RUNDC3B: variants seen among roughly 807,000 people sequenced by gnomAD.
RUNDC3B encodes RUN domain-containing protein 3B.
A neutral mutation model predicts 58.4 loss-of-function variants in RUNDC3B; 33 were observed. The observed-to-expected ratio is 0.56, with a 90% CI of 0.43 to 0.75. The LOEUF (loss-of-function observed/expected upper bound fraction) is 0.75. Ranked by LOEUF, RUNDC3B falls within the 30% of genes least tolerant of loss-of-function variation. RUNDC3B has a pLI of 0.00. For synonymous variants in RUNDC3B, 193 were observed against 195.2 expected (o/e 0.99, Z 0.10); for missense variants, 501 against 535.7 (o/e 0.94, Z 0.64).
Position 87,645,687 on chromosome 7 carries a change from A to T in RUNDC3B, c.123-5135A>T, listed in dbSNP as rs143007812. On this transcript the variant is annotated intron_variant, in intron 1 of 10. Coordinates refer to ENST00000394654, the MANE Select transcript of RUNDC3B (RefSeq NM_001134405.2). ...GCTCAGCATCTGTGTGATATTTCTT[A>T]GATATATTAAAATTCTTTCTACAGG... Among the ~76,000 whole-genome samples, 6 of 152,310 alleles carry T rather than the reference A, an allele frequency of 3.9e-5. 1 individual carries two copies. The South Asian group carries it at 1.2e-3, about 32-fold the overall frequency.
At chr7:87,827,790 T>A (rs1227167024) in intron 10 of RUNDC3B, among the ~76,000 whole-genome samples, 1 of 152,154 alleles carries the variant, frequency 6.6e-6, no homozygotes, top group African/African-American at 2.4e-5. Context: ...CTATGGAACT[T>A]TATAACCTGA....
intron 8 of RUNDC3B, among the ~76,000 whole-genome samples, chr7:87,780,428 C>T (rs9986978): frequency 0.05 from 7,529 of 152,042 alleles, 281 homozygotes; most frequent in East Asian, 0.11. Context: ...TGTTCATGTC[C>T]CTTGCCCACT....
chr7:87,818,354 C>G (rs1239679793), intron 10 of RUNDC3B, among the ~76,000 whole-genome samples: 4 of 151,774 alleles, frequency 2.6e-5, no homozygotes, highest in Non-Finnish European at 4.4e-5. Context: ...AAAAATTAAC[C>G]AAAAATCTAC....
At chr7:87,811,035 T>C (rs989869870) in intron 9 of RUNDC3B, among the ~76,000 whole-genome samples, 1 of 152,160 alleles carries the variant, frequency 6.6e-6, no homozygotes, top group Non-Finnish European at 1.5e-5. Flanking sequence ...ATTTACTTAT[T>C]TGTTTCCAGT....
At chr7:87,788,703 C>CTT (rs5885597) in intron 8 of RUNDC3B, among the ~76,000 whole-genome samples, 24 of 128,284 alleles carry the variant, frequency 1.9e-4, no homozygotes, top group Non-Finnish European at 2.9e-4. Flanking sequence ...CTTTTCAAAA[C>CTT]TTTTTTTTTT....
intron 1 of RUNDC3B, among the ~76,000 whole-genome samples, chr7:87,638,844 C>A (rs1822115351): frequency 6.6e-6 from 1 of 151,996 alleles, no homozygotes; most frequent in Admixed American, 6.6e-5. Context: ...TCTGTCGACT[C>A]CTCAGTTTAT....
At chr7:87,829,637 A>C (rs1838029277) in intron 10 of RUNDC3B, among the ~76,000 whole-genome samples, 1 of 151,826 alleles carries the variant, frequency 6.6e-6, no homozygotes, top group Non-Finnish European at 1.5e-5. Context: ...TTTTTTATTA[A>C]GATTGCTTTG....
At chr7:87,791,906 C>T (rs4256518) in intron 8 of RUNDC3B, among the ~76,000 whole-genome samples, 4 of 151,928 alleles carry the variant, frequency 2.6e-5, no homozygotes, top group Admixed American at 6.6e-5. Flanking sequence ...AACTCTCCAA[C>T]GAAAAGACAT....
At chr7:87,800,823 C>G (rs1278161791) in intron 8 of RUNDC3B, among the ~76,000 whole-genome samples, 1 of 151,718 alleles carries the variant, frequency 6.6e-6, no homozygotes, top group Non-Finnish European at 1.5e-5. Flanking sequence ...ATTTTTAAAA[C>G]TTTTTTGTAT....
intron 4 of RUNDC3B, among the ~76,000 whole-genome samples, chr7:87,730,804 T>C (rs1193257418): frequency 2.0e-5 from 3 of 151,994 alleles, no homozygotes; most frequent in Admixed American, 2.0e-4. Context: ...ACAGTCCCAA[T>C]ACTGGTGCTC....
chr7:87,632,218 T>C (rs977771233), intron 1 of RUNDC3B, among the ~76,000 whole-genome samples: 3 of 152,172 alleles, frequency 2.0e-5, no homozygotes, highest in Non-Finnish European at 4.4e-5. Flanking sequence ...ATTCTCAGTT[T>C]AGGTTTAAAG....
chr7:87,667,030 G>A (rs1825324567), intron 2 of RUNDC3B, among the ~76,000 whole-genome samples: 1 of 152,170 alleles, frequency 6.6e-6, no homozygotes, highest in Non-Finnish European at 1.5e-5. Context: ...TGTGAAGAAT[G>A]TCACTGGTAG....
intron 10 of RUNDC3B, among the ~76,000 whole-genome samples, chr7:87,822,347 C>CA (rs1319973423): frequency 3.3e-5 from 5 of 152,352 alleles, no homozygotes; most frequent in African/African-American, 1.2e-4. Context: ...GATACCGTCT[C>CA]ACACCAGTTA....
chr7:87,672,632 A>G (rs114505607), intron 2 of RUNDC3B, among the ~76,000 whole-genome samples: 5 of 152,190 alleles, frequency 3.3e-5, no homozygotes, highest in Non-Finnish European at 7.4e-5. Context: ...GTTTCCATGC[A>G]TGTCTGAGCA....
At chr7:87,805,345 C>T (rs1037356917) in intron 8 of RUNDC3B, among the ~76,000 whole-genome samples, 4 of 152,184 alleles carry the variant, frequency 2.6e-5, no homozygotes, top group African/African-American at 9.7e-5. Flanking sequence ...AACCTTTCCT[C>T]TTCATAGTGG....
At chr7:87,646,157 G>C (rs1822976819) in intron 1 of RUNDC3B, among the ~76,000 whole-genome samples, 1 of 152,166 alleles carries the variant, frequency 6.6e-6, no homozygotes. Flanking sequence ...TTATGACACA[G>C]ATAGTATCTT....
At chr7:87,817,688 C>A (rs1254145836) in intron 10 of RUNDC3B, among the ~76,000 whole-genome samples, 1 of 152,162 alleles carries the variant, frequency 6.6e-6, no homozygotes, top group Non-Finnish European at 1.5e-5. Context: ...TAGCCACCCC[C>A]ATCCCCATCT....
intron 2 of RUNDC3B, among the ~76,000 whole-genome samples, chr7:87,697,692 A>T (rs895195141): frequency 6.6e-6 from 1 of 152,212 alleles, no homozygotes; most frequent in Non-Finnish European, 1.5e-5. Context: ...TGAATTTAGT[A>T]TGCACTAGAC....
At chr7:87,738,719 T>C (rs1832138040) in intron 4 of RUNDC3B, among the ~76,000 whole-genome samples, 1 of 152,010 alleles carries the variant, frequency 6.6e-6, no homozygotes, top group African/African-American at 2.4e-5. Flanking sequence ...TTCCTGATGG[T>C]AAATTTGAAA....
Sources: gnomAD v4.1 joint callset for allele counts (sites outside exome capture counted in the v4.1 genomes callset) on GRCh38, gnomAD v4.1.1 for gene constraint, MANE v1.5 for transcripts, NCBI Gene and HGNC (gene_info 2026-07-23, HGNC 2026-07-21) for gene names.